ENTPD6: variants seen among roughly 807,000 people sequenced by gnomAD.
The protein encoded by ENTPD6 is CD39 antigen-like 2.
Under a neutral mutation model 61.5 loss-of-function variants are expected in ENTPD6, and 46 were observed. The ratio of observed to expected loss-of-function variants is 0.75; its 90% CI spans 0.59 to 0.96. The LOEUF (loss-of-function observed/expected upper bound fraction) is 0.96. Ranked by LOEUF, ENTPD6 falls within the 40% of genes least tolerant of loss-of-function variation. ENTPD6 has a pLI of 0.00. For missense variants in ENTPD6, 612 were observed against 629.0 expected, an observed-to-expected ratio of 0.97 and a Z score of 0.29; for synonymous variants, 252 against 255.5, an observed-to-expected ratio of 0.99 and a Z score of 0.13.
intron 9 of ENTPD6, among the ~76,000 whole-genome samples, 181 bp downstream of exon 9, chr20:25,217,762 T>C (rs1310967308): frequency 6.6e-6 from 1 of 151,690 alleles, no homozygotes; most frequent in Non-Finnish European, 1.5e-5. Flanking sequence ...TCCTTCATCC[T>C]TTAATGTGTC....
chr20:25,201,049 A>G (rs2090992760), intron 1 of ENTPD6, among the ~76,000 whole-genome samples: 1 of 152,152 alleles, frequency 6.6e-6, no homozygotes, highest in Non-Finnish European at 1.5e-5. Flanking sequence ...AATTTTCATT[A>G]TGACTTCTTC....
chr20:25,211,240 T>G (rs2122896959), intron 4 of ENTPD6, among the ~76,000 whole-genome samples: 1 of 152,358 alleles, frequency 6.6e-6, no homozygotes, highest in East Asian at 1.9e-4. Flanking sequence ...AGCCTTGCTT[T>G]CCTGTAGCTT....
At chr20:25,207,560 G>A (rs1051592579) in intron 3 of ENTPD6, among the ~76,000 whole-genome samples, 163 bp downstream of exon 3, 1 of 152,200 alleles carries the variant, frequency 6.6e-6, no homozygotes, top group Non-Finnish European at 1.5e-5. Flanking sequence ...TTTCCCGGGA[G>A]TCCCAGATCA....
intron 1 of ENTPD6, chr20:25,196,227 G>T (rs2090390597): frequency 8.8e-7 from 1 of 1,137,900 alleles, no homozygotes; most frequent in Non-Finnish European, 1.1e-6. Context: ...CGGCGGGGAA[G>T]CTTCGCGTAG....
intron 1 of ENTPD6, among the ~76,000 whole-genome samples, chr20:25,205,937 G>A (rs960716209): frequency 1.3e-5 from 2 of 152,252 alleles, no homozygotes; most frequent in African/African-American, 2.4e-5. Flanking sequence ...GCAGGTCGCT[G>A]CGGGCTTGCT....
intron 1 of ENTPD6, among the ~76,000 whole-genome samples, chr20:25,205,388 C>T (rs2091390669): frequency 6.6e-6 from 1 of 152,024 alleles, no homozygotes; most frequent in African/African-American, 2.4e-5. Flanking sequence ...TCTGGGAATG[C>T]GTATCAGTCT....
intron 9 of ENTPD6, 88 bp downstream of exon 9, chr20:25,217,669 T>C (rs1007575242): frequency 1.8e-6 from 2 of 1,131,424 alleles, no homozygotes; most frequent in African/African-American, 1.5e-5. Flanking sequence ...AGGTCATGGA[T>C]GGCAGATCTG....
chr20:25,223,380 C>T (rs1483085866), intron 12 of ENTPD6, among the ~76,000 whole-genome samples: 1 of 152,144 alleles, frequency 6.6e-6, no homozygotes. Flanking sequence ...TCTGACTCAC[C>T]CTGCACAGCC....
intron 9 of ENTPD6, among the ~76,000 whole-genome samples, chr20:25,217,915 C>G (rs1600642430): frequency 1.3e-5 from 2 of 150,520 alleles, no homozygotes; most frequent in Admixed American, 1.3e-4. Flanking sequence ...CCTCCTCTGT[C>G]CTCCTCCTTC....
chr20:25,206,828 G>C (rs1385028318), intron 2 of ENTPD6, among the ~76,000 whole-genome samples: 2 of 152,200 alleles, frequency 1.3e-5, no homozygotes, highest in Admixed American at 6.5e-5. Flanking sequence ...TGTGCACCAG[G>C]TCAGCAGCTG....
At chr20:25,217,366 C>T in intron 8 of ENTPD6, 136 bp from the exon 9 acceptor site, 2 of 778,452 alleles carry the variant, frequency 2.6e-6, no homozygotes, top group South Asian at 3.3e-5. Flanking sequence ...TCCTGTCTCG[C>T]AGCCAGCGAC....
At chr20:25,215,150 G>A (rs187132301) in intron 6 of ENTPD6, among the ~76,000 whole-genome samples, 2 of 152,324 alleles carry the variant, frequency 1.3e-5, no homozygotes, top group South Asian at 2.1e-4. Context: ...TGGGGTCAGT[G>A]TCAGAGACAG....
At chr20:25,195,897 G>C (rs757490128) in intron 1 of ENTPD6, 30 bp downstream of exon 1, 1 of 1,231,026 alleles carries the variant, frequency 8.1e-7, no homozygotes, top group Non-Finnish European at 1.0e-6. Flanking sequence ...GCTGGCGGGG[G>C]CGGCCGGGGA....
chr20:25,218,784 G>A (rs112291961), intron 10 of ENTPD6, among the ~76,000 whole-genome samples, 170 bp downstream of exon 10: 215 of 152,364 alleles, frequency 1.4e-3, no homozygotes, highest in Middle Eastern at 6.8e-3. Flanking sequence ...CCAGGCCAGG[G>A]CATGCGAGTG....
chr20:25,213,675 C>T (rs2092129322), intron 5 of ENTPD6, among the ~76,000 whole-genome samples: 1 of 152,208 alleles, frequency 6.6e-6, no homozygotes, highest in Admixed American at 6.5e-5. Flanking sequence ...GTGGGCCGGG[C>T]ATGGTGGCTC....
chr20:25,224,079 CTG>C lies in ENTPD6; in HGVS notation c.1187-21_1187-20del. ...GCCAACCTCACAGTGCTCCTGCAGACTGGGTGTTGTGTCTCCCACAGATGCGG... is the reference window on the plus strand; with the variant it reads ...GCCAACCTCACAGTGCTCCTGCAGACGGTGTTGTGTCTCCCACAGATGCGG... On this transcript the variant is annotated intron_variant, in intron 12 of 14. Transcript: ENST00000376652. The C allele has an allele frequency of 3.1e-6, 5 of 1,608,606 alleles. No homozygotes were observed. The highest frequency in any genetic ancestry group is 4.2e-6 in the Non-Finnish European group (5 of 1,177,240).
intron 1 of ENTPD6, 41 bp from the exon 2 acceptor site, chr20:25,206,481 T>A: frequency 6.6e-7 from 1 of 1,504,238 alleles, no homozygotes; most frequent in Non-Finnish European, 9.2e-7. Context: ...AGAATTTTTG[T>A]AGGCTTTGGA....
intron 1 of ENTPD6, among the ~76,000 whole-genome samples, chr20:25,202,373 T>G (rs2122550669): frequency 6.6e-6 from 1 of 152,340 alleles, no homozygotes; most frequent in Admixed American, 6.5e-5. Context: ...AAGGAGTTAA[T>G]CCATTTATAT....
intron 1 of ENTPD6, among the ~76,000 whole-genome samples, chr20:25,199,041 A>G (rs1349639354): frequency 6.6e-6 from 1 of 152,008 alleles, no homozygotes; most frequent in African/African-American, 2.4e-5. Flanking sequence ...TTTCCCCCTC[A>G]GTACACTGCT....
Sources: gnomAD v4.1 joint callset for allele counts (sites outside exome capture counted in the v4.1 genomes callset) on GRCh38, gnomAD v4.1.1 for gene constraint, MANE v1.5 for transcripts, NCBI Gene and HGNC (gene_info 2026-07-23, HGNC 2026-07-21) for gene names.